FSTL5: variants seen among roughly 807,000 people sequenced by gnomAD.
FSTL5 encodes the protein follistatin-related protein 5.
Under a neutral mutation model 89.1 loss-of-function variants are expected in FSTL5, and 62 were observed. That is an observed-to-expected ratio of 0.70 (90% CI 0.57 to 0.86). The LOEUF (loss-of-function observed/expected upper bound fraction) is 0.86. Among genes scored for constraint, FSTL5 ranks in the 40% least tolerant of loss-of-function variants. FSTL5 has a pLI of 0.00. For synonymous variants in FSTL5, 383 were observed against 346.2 expected, an observed-to-expected ratio of 1.11 and a Z score of -1.18; for missense variants, 1,057 against 1,001.6, an observed-to-expected ratio of 1.06 and a Z score of -0.75.
At chr4:161,994,495 C>A (rs1030365004) in intron 3 of FSTL5, among the ~76,000 whole-genome samples, 6 of 152,100 alleles carry the variant, frequency 3.9e-5, no homozygotes, top group African/African-American at 1.4e-4. Flanking sequence ...TACACTCCCA[C>A]CAACAATGTA....
chr4:161,553,989 C>G (rs184208538), intron 8 of FSTL5, among the ~76,000 whole-genome samples: 2 of 151,360 alleles, frequency 1.3e-5, no homozygotes, highest in Non-Finnish European at 3.0e-5. Context: ...TAATCAGATA[C>G]TATATACACA....
chr4:161,397,176 A>G (rs1468210542), intron 15 of FSTL5, among the ~76,000 whole-genome samples: 1 of 152,078 alleles, frequency 6.6e-6, no homozygotes, highest in Non-Finnish European at 1.5e-5. Context: ...CACAAAGAAA[A>G]CTATTCGATG....
At chr4:162,125,410 T>C (rs1732040875) in intron 1 of FSTL5, among the ~76,000 whole-genome samples, 1 of 152,158 alleles carries the variant, frequency 6.6e-6, no homozygotes, top group Non-Finnish European at 1.5e-5. Context: ...ATGACAAGAT[T>C]TTATTTTATT....
intron 4 of FSTL5, among the ~76,000 whole-genome samples, chr4:161,915,305 C>G (rs140092257): frequency 6.6e-6 from 1 of 151,582 alleles, no homozygotes; most frequent in Non-Finnish European, 1.5e-5. Flanking sequence ...CCCCCTCCCC[C>G]TCTCCCTACC....
chr4:161,612,381 G>A (rs921712128), intron 7 of FSTL5, among the ~76,000 whole-genome samples: 6 of 152,108 alleles, frequency 3.9e-5, no homozygotes, highest in African/African-American at 1.4e-4. Context: ...GTTCAGTCAA[G>A]GAAAATAAAG....
At chr4:161,877,267 T>G (rs1018813544) in intron 4 of FSTL5, among the ~76,000 whole-genome samples, 4 of 150,734 alleles carry the variant, frequency 2.7e-5, no homozygotes, top group African/African-American at 9.7e-5. Flanking sequence ...ATTAGGATAA[T>G]ATAGTAGAAT....
In FSTL5 at chr4:161,606,773, G is replaced by T. The variant is rs567352803; in HGVS notation, c.895-19198C>A. The stretch of plus-strand genomic sequence containing the variant: ...ATGGTCAATTGGATTCTGAATATCT[G>T]GAGACCATTTTTCTTCATACCAGCA... On this transcript the variant is annotated intron_variant, in intron 7 of 15. Transcript: ENST00000306100. Among the ~76,000 whole-genome samples, 5 of 152,200 alleles carry T rather than the reference G, an allele frequency of 3.3e-5. No individual in the cohort carries two copies. In the South Asian group the frequency reaches 1.0e-3, roughly 32 times the overall value.
At chr4:162,113,019 T>A (rs999014198) in intron 1 of FSTL5, among the ~76,000 whole-genome samples, 6 of 152,180 alleles carry the variant, frequency 3.9e-5, no homozygotes, top group Admixed American at 6.5e-5. Flanking sequence ...TTAAATATTG[T>A]GGTTTATCAA....
At chr4:161,710,277 C>T (rs1738733757) in intron 6 of FSTL5, among the ~76,000 whole-genome samples, 1 of 152,028 alleles carries the variant, frequency 6.6e-6, no homozygotes, top group African/African-American at 2.4e-5. Flanking sequence ...CAAACACAGA[C>T]TTTTGATAGT....
intron 3 of FSTL5, among the ~76,000 whole-genome samples, chr4:161,997,234 A>G (rs1736321468): frequency 6.6e-6 from 1 of 152,212 alleles, no homozygotes; most frequent in African/African-American, 2.4e-5. Flanking sequence ...CTTAAACACA[A>G]TTAAATTTTT....
chr4:161,428,107 T>C (rs570681800), intron 15 of FSTL5, among the ~76,000 whole-genome samples: 19 of 152,048 alleles, frequency 1.2e-4, no homozygotes, highest in South Asian at 2.1e-4. Context: ...GACTTTGCAA[T>C]GGAACTCAGT....
intron 4 of FSTL5, among the ~76,000 whole-genome samples, chr4:161,859,076 G>C (rs1436458486): frequency 6.6e-6 from 1 of 152,128 alleles, no homozygotes; most frequent in Non-Finnish European, 1.5e-5. Context: ...TCTTAGTACT[G>C]TTTCCTAGTT....
chr4:161,924,626 A>T lies in FSTL5; in HGVS notation c.161-3974T>A, dbSNP rs138815189. ...TTTAGGGGGACATTTAAGGGCACAAAGGAGATTGAGATCATGTAAGACCTC... is the reference window on the plus strand; with the variant it reads ...TTTAGGGGGACATTTAAGGGCACAATGGAGATTGAGATCATGTAAGACCTC... On this transcript the variant is annotated intron_variant, in intron 3 of 15. Transcript: ENST00000306100. 4.6e-5 allele frequency among the ~76,000 whole-genome samples: 7 copies of T among 151,832 alleles called. No homozygotes were observed. In the East Asian group the frequency reaches 7.8e-4, roughly 17 times the overall value.
chr4:161,463,877 A>G (rs1300302403), intron 13 of FSTL5, among the ~76,000 whole-genome samples: 1 of 152,166 alleles, frequency 6.6e-6, no homozygotes, highest in Non-Finnish European at 1.5e-5. Flanking sequence ...CTAAATGATG[A>G]TCCCTTTGCA....
intron 4 of FSTL5, among the ~76,000 whole-genome samples, chr4:161,872,126 T>G (rs572356053): frequency 1.2e-5 from 1 of 80,116 alleles, no homozygotes; most frequent in East Asian, 3.3e-4. Context: ...GCTTTGTAGT[T>G]TGTTTTTTTT....
intron 8 of FSTL5, among the ~76,000 whole-genome samples, chr4:161,548,978 G>C (rs775743200): frequency 6.6e-6 from 1 of 151,698 alleles, no homozygotes; most frequent in Non-Finnish European, 1.5e-5. Flanking sequence ...TATTCACATT[G>C]AAAGCAAATA....
At chr4:161,750,245 T>C (rs1740350740) in intron 6 of FSTL5, among the ~76,000 whole-genome samples, 1 of 152,166 alleles carries the variant, frequency 6.6e-6, no homozygotes, top group Non-Finnish European at 1.5e-5. Flanking sequence ...AGAGAAGTCA[T>C]TATAATTTGA....
intron 6 of FSTL5, among the ~76,000 whole-genome samples, chr4:161,701,732 G>C (rs2126730319): frequency 6.6e-6 from 1 of 152,168 alleles, no homozygotes; most frequent in Middle Eastern, 3.4e-3. Context: ...CATGTAGTTA[G>C]AGGACTACTG....
At chr4:161,946,393 G>A (rs1302159906) in intron 3 of FSTL5, among the ~76,000 whole-genome samples, 1 of 152,084 alleles carries the variant, frequency 6.6e-6, no homozygotes, top group African/African-American at 2.4e-5. Context: ...CATCTATAAT[G>A]TATAATTATG....
Sources: allele counts gnomAD v4.1 joint callset (sites outside exome capture counted in the v4.1 genomes callset), GRCh38; gene constraint gnomAD v4.1.1; transcripts MANE v1.5; gene names NCBI Gene and HGNC (gene_info 2026-07-23, HGNC 2026-07-21).